RIMS3: variants seen among roughly 807,000 people sequenced by gnomAD.
RIMS3 encodes the protein regulating synaptic membrane exocytosis 3.
A neutral mutation model predicts 29.2 loss-of-function variants in RIMS3; 15 were observed. The ratio of observed to expected loss-of-function variants is 0.51; its 90% confidence interval spans 0.34 to 0.79. The LOEUF is 0.79. RIMS3 is among the 30% of genes least tolerant of loss of function. The probability of loss-of-function intolerance (pLI) is 0.01; values close to 1 mark genes in which losing one functional copy is unlikely to be tolerated. For missense variants in RIMS3, 342 were observed against 421.4 expected, an observed-to-expected ratio of 0.81 and a Z score of 1.65; for synonymous variants, 161 against 170.1, an observed-to-expected ratio of 0.95 and a Z score of 0.41.
intron 1 of RIMS3, among the ~76,000 whole-genome samples, chr1:40,657,639 A>G (rs1254684644): frequency 6.6e-6 from 1 of 151,198 alleles, no homozygotes; most frequent in African/African-American, 2.4e-5. Flanking sequence ...CCTAGCTACC[A>G]GGGAGGCTGA....
chr1:40,685,342 TTA>T, the RIMS3 span, among the ~76,000 whole-genome samples: 45,199 of 106,234 alleles, frequency 0.43, 7,586 homozygotes, highest in African/African-American at 0.51. Context: ...TATAATTATA[TTA>T]TATATATATT....
rs767146264 is a variant in RIMS3 at position 40,636,002 on chromosome 1, G to A, written c.273C>T (p.Ile91=). Residue 91 remains isoleucine, a synonymous_variant, in exon 4 of 8, where the codon ATC becomes ATT. Coordinates refer to ENST00000372684, the MANE Select transcript of RIMS3 (RefSeq NM_014747.3). This position sits in a 1 kb window ranked among gnomAD's most constrained non-coding sequence, Gnocchi z 4.2. ...SNIRRSTETG[I]AVEMRSRVTR... is the part of the protein sequence containing the mutation. ...TGACCCGGCTCCGCATCTCCACCGC[G>A]ATGCCTGTCTCCGTGCTCCGGCGGA... 29 of 1,609,332 alleles carry A rather than the reference G, an allele frequency of 1.8e-5. No individual in the cohort carries two copies. Among genetic ancestry groups the A allele is most frequent in the Middle Eastern group, 1.6e-4 (1 of 6,078 alleles).
chr1:40,671,528 T>C, the RIMS3 span, among the ~76,000 whole-genome samples: 3 of 152,200 alleles, frequency 2.0e-5, no homozygotes, highest in East Asian at 3.9e-4. Flanking sequence ...CTCTTCTCAT[T>C]ATAGTGAGTG....
chr1:40,629,405 G>A (rs1189812545), intron 5 of RIMS3, 33 bp from the exon 6 acceptor site: 1 of 1,572,838 alleles, frequency 6.4e-7, no homozygotes, highest in Non-Finnish European at 8.8e-7. Context: ...TCCAGGCAGG[G>A]CCAGACCAAG....
the RIMS3 span, among the ~76,000 whole-genome samples, chr1:40,680,711 T>A: frequency 2.0e-5 from 3 of 152,218 alleles, no homozygotes; most frequent in African/African-American, 7.2e-5. Context: ...ATAGTAATTT[T>A]CACAGTACCC....
the RIMS3 span, chr1:40,691,920 G>C: frequency 2.9e-6 from 1 of 343,408 alleles, no homozygotes; most frequent in East Asian, 1.1e-4. Context: ...AGCGGCGGCG[G>C]GGGGAGGGGC....
chr1:40,666,345 A>T (rs751315196), upstream of RIMS3, among the ~76,000 whole-genome samples: 1 of 152,196 alleles, frequency 6.6e-6, no homozygotes, highest in African/African-American at 2.4e-5. Flanking sequence ...GGAGGTTGCT[A>T]CTGGCGTCTC....
chr1:40,669,517 G>A (rs1164325324), upstream of RIMS3: 1 of 152,226 alleles, frequency 6.6e-6, no homozygotes, highest in Admixed American at 6.5e-5. Context: ...CTGATACAGC[G>A]AATCCTGATG....
At chr1:40,633,688 ATGG>A (rs1028483961) in intron 4 of RIMS3, among the ~76,000 whole-genome samples, 17 of 152,342 alleles carry the variant, frequency 1.1e-4, no homozygotes, top group African/African-American at 4.1e-4. Flanking sequence ...ATGGCAAGTG[ATGG>A]TGGTTGGTGG....
chr1:40,631,395 C>T (rs1003657200), intron 5 of RIMS3, among the ~76,000 whole-genome samples: 2 of 152,192 alleles, frequency 1.3e-5, no homozygotes, highest in African/African-American at 4.8e-5. Context: ...TACCAAAATC[C>T]TTGGATGCTC....
At chr1:40,653,685 CACTT>C (rs561940102) in intron 1 of RIMS3, among the ~76,000 whole-genome samples, 59 of 152,308 alleles carry the variant, frequency 3.9e-4, no homozygotes, top group Middle Eastern at 6.8e-3. Flanking sequence ...ACTACACACA[CACTT>C]ACATGTCCAC....
chr1:40,651,985 C>T (rs562758703), intron 1 of RIMS3, among the ~76,000 whole-genome samples: 4 of 152,320 alleles, frequency 2.6e-5, no homozygotes, highest in African/African-American at 4.8e-5. Context: ...GATTCCTCCT[C>T]GTGTCACTAA....
chr1:40,685,940 G>C, the RIMS3 span, among the ~76,000 whole-genome samples: 1 of 152,106 alleles, frequency 6.6e-6, no homozygotes, highest in East Asian at 1.9e-4. Flanking sequence ...CTGAGGTCAG[G>C]AGTTCAAGAC....
chr1:40,687,273 A>G, the RIMS3 span, among the ~76,000 whole-genome samples: 1 of 152,128 alleles, frequency 6.6e-6, no homozygotes, highest in Admixed American at 6.6e-5. Context: ...CACAACGTGA[A>G]CAGGCTTAAT....
At chr1:40,670,929 C>T in the RIMS3 span, among the ~76,000 whole-genome samples, 9 of 152,020 alleles carry the variant, frequency 5.9e-5, no homozygotes, top group African/African-American at 2.2e-4. Context: ...GGAAATCTTT[C>T]AGCAAAGGAG....
the RIMS3 span, chr1:40,691,985 C>T: frequency 1.3e-5 from 4 of 301,636 alleles, no homozygotes; most frequent in Non-Finnish European, 6.6e-6. Context: ...GCTGCTGTAG[C>T]TCGGTCCGTC....
At chr1:40,630,998 C>T (rs189161837) in intron 5 of RIMS3, among the ~76,000 whole-genome samples, 6 of 152,282 alleles carry the variant, frequency 3.9e-5, no homozygotes, top group Non-Finnish European at 7.3e-5. Flanking sequence ...GGAGTCCTGG[C>T]CTGGAGTGGA....
Position 40,622,146 on chromosome 1 carries a change from A to G in RIMS3, c.*4371T>C, listed in dbSNP as rs1646425016. ...AGAGAACAAGGTCCCACCATCGGGCATGCCAACATCTGAGCCACGTTTGTG... is the reference window on the plus strand; with the variant it reads ...AGAGAACAAGGTCCCACCATCGGGCGTGCCAACATCTGAGCCACGTTTGTG... On this transcript the variant is annotated 3_prime_UTR_variant, in exon 8 of 8. Coordinates refer to ENST00000372684, the MANE Select transcript of RIMS3 (RefSeq NM_014747.3). 6.6e-6 allele frequency: 1 copy of G among 152,652 alleles called. No individual in the cohort carries two copies. Among genetic ancestry groups the G allele is most frequent in the Admixed American group, 6.5e-5 (1 of 15,292 alleles). The allele number at this position is 152,652 out of a possible 1,614,324, so 9.5% of individuals were successfully genotyped here. A position where few individuals can be genotyped will look rare whatever the true frequency, so the allele number is the denominator to read the frequency against.
At chr1:40,643,716 T>C (rs1426981200) in intron 2 of RIMS3, among the ~76,000 whole-genome samples, 1 of 152,184 alleles carries the variant, frequency 6.6e-6, no homozygotes, top group Non-Finnish European at 1.5e-5. Context: ...TGATCTCAAG[T>C]GATCCACCCA....
Sources: gnomAD v4.1 joint callset for allele counts (sites outside exome capture counted in the v4.1 genomes callset) on GRCh38, gnomAD v4.1.1 for gene constraint, Gnocchi (gnomAD v3.1) non-coding constraint, MANE v1.5 for transcripts, NCBI Gene and HGNC (gene_info 2026-07-23, HGNC 2026-07-21) for gene names.